RNF144B: variants seen among roughly 807,000 people sequenced by gnomAD.
RNF144B encodes E3 ubiquitin-protein ligase RNF144B.
In RNF144B, 25 loss-of-function variants were observed where a neutral mutation model predicts 40.2. That is an observed-to-expected ratio of 0.62 (90% confidence interval 0.45 to 0.87). The LOEUF is 0.87. Among genes scored for constraint, RNF144B ranks in the 40% least tolerant of loss-of-function variants. RNF144B has a pLI of 0.00. For synonymous variants in RNF144B, 145 were observed against 136.3 expected (o/e 1.06, Z -0.44); for missense variants, 365 against 373.7 (o/e 0.98, Z 0.19).
In RNF144B at chr6:18,459,578, A is replaced by C. The variant is rs1582449295; in HGVS notation, c.537-29A>C. ...AATTCAACTGATGACCATCAGCTGA[A>C]TGCCATTTCTCATCCATTTTGTTTC... On this transcript the variant is annotated intron_variant, in intron 5 of 7. Coordinates refer to ENST00000259939, the MANE Select transcript of RNF144B (RefSeq NM_182757.4). This position sits in a 1 kb window ranked among gnomAD's most constrained non-coding sequence, Gnocchi z 4.2. The C allele has an allele frequency of 6.2e-7, 1 of 1,607,980 alleles. No individual in the cohort carries two copies. The highest frequency in any genetic ancestry group is 1.7e-5 in the Admixed American group (1 of 59,832).
intron 1 of RNF144B, chr6:18,396,681 T>A (rs1794700500): frequency 1.0e-6 from 1 of 985,346 alleles, no homozygotes; most frequent in African/African-American, 1.7e-5. Context: ...ATAGATTGCA[T>A]AAGCAGTGAA....
At chr6:18,404,456 G>C (rs1389377348) in intron 2 of RNF144B, among the ~76,000 whole-genome samples, 1 of 152,154 alleles carries the variant, frequency 6.6e-6, no homozygotes, top group Non-Finnish European at 1.5e-5. Flanking sequence ...TATTTCCTAA[G>C]ATCCATCAGT....
At chr6:18,463,639 C>G (rs939693086) in intron 7 of RNF144B, among the ~76,000 whole-genome samples, 2 of 152,226 alleles carry the variant, frequency 1.3e-5, no homozygotes, top group African/African-American at 4.8e-5. Context: ...GTGCAGAATG[C>G]AGGCAGATGT....
At chr6:18,451,935 G>A (rs772418387) in intron 4 of RNF144B, among the ~76,000 whole-genome samples, 6 of 152,138 alleles carry the variant, frequency 3.9e-5, no homozygotes, top group Non-Finnish European at 7.4e-5. Flanking sequence ...TTGCCAAATC[G>A]ATGACTTTCG....
In RNF144B at chr6:18,414,665, T is replaced by G. The variant is rs1795111126; in HGVS notation, c.166-12916T>G. ...TCATTATAATTTATTCAAACTGGTT[T>G]AAATACTGAGACAGATTTTATTTAA... On this transcript the variant is annotated intron_variant, in intron 2 of 7. Coordinates refer to ENST00000259939, the MANE Select transcript of RNF144B (RefSeq NM_182757.4). This position sits in a 1 kb window ranked among gnomAD's most constrained non-coding sequence, Gnocchi z 4.9. 6.6e-6 allele frequency among the ~76,000 whole-genome samples: 1 copy of G among 152,200 alleles called. No homozygotes were observed. The highest frequency in any genetic ancestry group is 2.4e-5 in the African/African-American group (1 of 41,460).
At chr6:18,399,121 C>T (rs1794746951) in intron 1 of RNF144B, among the ~76,000 whole-genome samples, 1 of 152,152 alleles carries the variant, frequency 6.6e-6, no homozygotes, top group Admixed American at 6.5e-5. Flanking sequence ...TGGCCATTTT[C>T]AAGTATACAG....
rs144260328 is a variant in RNF144B, at chr6:18,417,898, A to G, written c.166-9683A>G. On this transcript the variant is annotated intron_variant, in intron 2 of 7. Coordinates refer to ENST00000259939, the MANE Select transcript of RNF144B (RefSeq NM_182757.4). ...CAACTCAGTAATGAAAACACAAATA[A>G]CTCAGTTACAAATAGATGAAAGTAT... Among the ~76,000 whole-genome samples, 477 of 152,244 alleles carry G rather than the reference A, an allele frequency of 3.1e-3. 1 individual carries two copies. Among genetic ancestry groups the G allele is most frequent in the Middle Eastern group, 0.01 (3 of 294 alleles).
rs899659941 is a variant in RNF144B at position 18,458,468 on chromosome 6, G to A, written c.536+1109G>A. ...GCTTGAATCTCAGAACAAACAAATG[G>A]AGAGGAATAGAGAAGCTAATACACA... is the stretch of plus-strand genomic sequence containing the variant. On this transcript the variant is annotated intron_variant, in intron 5 of 7. Coordinates refer to ENST00000259939, the MANE Select transcript of RNF144B (RefSeq NM_182757.4). This position sits in a 1 kb window ranked among gnomAD's most constrained non-coding sequence, Gnocchi z 4.8. 7.9e-5 allele frequency among the ~76,000 whole-genome samples: 12 copies of A among 152,156 alleles called. No homozygotes were observed. Among genetic ancestry groups the A allele is most frequent in the Non-Finnish European group, 1.8e-4 (12 of 68,028 alleles).
chr6:18,429,360 ATATT>A (rs947508346), intron 3 of RNF144B, among the ~76,000 whole-genome samples: 1 of 152,154 alleles, frequency 6.6e-6, no homozygotes, highest in African/African-American at 2.4e-5. Context: ...TTATGAATAT[ATATT>A]CTTTTACATA....
rs1467991542 is a variant in RNF144B at position 18,466,574 on chromosome 6, T to C, written c.*1507T>C. 6.6e-6 allele frequency: 1 copy of C among 152,664 alleles called. No homozygotes were observed. Among genetic ancestry groups the C allele is most frequent in the African/African-American group, 2.4e-5 (1 of 41,460 alleles). 9.5% of individuals were successfully genotyped at this position (152,664 alleles called of 1,614,324 possible). On this transcript the variant is annotated 3_prime_UTR_variant, in exon 8 of 8. Transcript: ENST00000259939. The stretch of plus-strand genomic sequence containing the variant: ...CAATGACAGGATTATATAATTGCTA[T>C]TGGCAATGTAGCCTGGTGCTTCATG...
rs766968266 is a variant in RNF144B at position 18,446,865 on chromosome 6, GTGTGTGTGTC to G, written c.331+7131_331+7140del. On this transcript the variant is annotated intron_variant, in intron 4 of 7. Transcript: ENST00000259939. This position sits in a 1 kb window ranked among gnomAD's most constrained non-coding sequence, Gnocchi z 4.7. ...GGTGTGTGTGTGTGTGTGTGTGTGT[GTGTGTGTGTC>G]TGTGTGTGTGTTGTGTGTTTGTTGG... 1.6e-5 allele frequency among the ~76,000 whole-genome samples: 2 copies of G among 123,394 alleles called. No individual in the cohort carries two copies. The highest frequency in any genetic ancestry group is 9.3e-5 in the Admixed American group (1 of 10,790). The allele number at this position is 123,394 out of a possible 152,430, so 81.0% of individuals were successfully genotyped here. A position where few individuals can be genotyped will look rare whatever the true frequency, so the allele number is the denominator to read the frequency against.
At position 18,405,340 on chromosome 6, in the gene RNF144B, A is replaced by AT. The variant is rs1309444421; in HGVS notation, c.165+5649dup. 1.3e-5 allele frequency among the ~76,000 whole-genome samples: 2 copies of AT among 151,144 alleles called. No homozygotes were observed. Among genetic ancestry groups the AT allele is most frequent in the East Asian group, 1.9e-4 (1 of 5,130 alleles). On this transcript the variant is annotated intron_variant, in intron 2 of 7. Coordinates refer to ENST00000259939, the MANE Select transcript of RNF144B (RefSeq NM_182757.4). The surrounding 1 kb of genome is among the most constrained non-coding windows in gnomAD (Gnocchi z 4.5). Reference sequence around the variant, plus strand: ...AGGCATGTGCCACCAGGCCTGACTAATTTTTTTTGTATTTTTAGTTGAGTT... The same window carrying AT: ...AGGCATGTGCCACCAGGCCTGACTAATTTTTTTTTGTATTTTTAGTTGAGTT...
Position 18,456,762 on chromosome 6 carries a change from A to T in RNF144B, c.332-393A>T, listed in dbSNP as rs1759335871. The stretch of plus-strand genomic sequence containing the variant: ...ATTATACTTCCATAAATGTCAGTTT[A>T]AAAAAGAGGGTAAATGGGGCAGGTG... On this transcript the variant is annotated intron_variant, in intron 4 of 7. Coordinates refer to ENST00000259939, the MANE Select transcript of RNF144B (RefSeq NM_182757.4). This position sits in a 1 kb window ranked among gnomAD's most constrained non-coding sequence, Gnocchi z 4.7. 6.6e-6 allele frequency among the ~76,000 whole-genome samples: 1 copy of T among 152,106 alleles called. No homozygotes were observed. Among genetic ancestry groups the T allele is most frequent in the African/African-American group, 2.4e-5 (1 of 41,438 alleles).
rs1245570323 is a variant in RNF144B, at chr6:18,422,838, GCCTCA to G, written c.166-4742_166-4738del. ...TCGAGTGTAGTGGCAGGCATCTGTA[GCCTCA>G]GCTACTGAGGAGCTGAGGTGGGAGG... On this transcript the variant is annotated intron_variant, in intron 2 of 7. Transcript: ENST00000259939. This position sits in a 1 kb window ranked among gnomAD's most constrained non-coding sequence, Gnocchi z 4.7. Among the ~76,000 whole-genome samples, 1 of 151,876 alleles carries G rather than the reference GCCTCA, an allele frequency of 6.6e-6. No individual in the cohort carries two copies. The highest frequency in any genetic ancestry group is 1.5e-5 in the Non-Finnish European group (1 of 67,970).
At chr6:18,392,062 A>T (rs1364278812) in intron 1 of RNF144B, among the ~76,000 whole-genome samples, 5 of 122,750 alleles carry the variant, frequency 4.1e-5, no homozygotes, top group Non-Finnish European at 1.7e-5. Context: ...AAAAAAAAAA[A>T]TTAGGTGTGG....
chr6:18,457,265 T>G lies in RNF144B; in HGVS notation c.442T>G (p.Cys148Gly), dbSNP rs1759351665. 4.3e-6 allele frequency: 7 copies of G among 1,614,198 alleles called. No homozygotes were observed. In the South Asian group the frequency reaches 6.6e-5, roughly 15 times the overall value. Residue 148 changes from cysteine (C) to glycine (G), a missense_variant, in exon 5 of 8, where the codon TGC (cysteine) becomes GGC (glycine). Transcript: ENST00000259939. The surrounding 1 kb of genome is among the most constrained non-coding windows in gnomAD (Gnocchi z 5.1). ...GQPVLVECPS[C>G]HLKFCSCCKD... The stretch of plus-strand genomic sequence containing the variant: ...GCCTGTGCTGGTGGAATGCCCTTCT[T>G]GCCACCTGAAATTCTGCTCGTGTTG...
intron 1 of RNF144B, among the ~76,000 whole-genome samples, chr6:18,394,706 T>A (rs115488054): frequency 2.9e-4 from 44 of 152,274 alleles, no homozygotes; most frequent in African/African-American, 1.0e-3. Context: ...ATATGAAAAT[T>A]CCTTATACAT....
intron 4 of RNF144B, among the ~76,000 whole-genome samples, chr6:18,451,657 C>T (rs1437035992): frequency 6.6e-6 from 1 of 152,150 alleles, no homozygotes; most frequent in Non-Finnish European, 1.5e-5. Context: ...TTTTACAGAG[C>T]AGTTTATTAA....
At position 18,457,077 on chromosome 6, in the gene RNF144B, A is replaced by G; in HGVS notation, c.332-78A>G. Reference sequence around the variant, plus strand: ...CTCTGGTTCCAAATAAATTAAATAAATAAGAGGGCAAATGAAGGTGAGAAA... The same window carrying G: ...CTCTGGTTCCAAATAAATTAAATAAGTAAGAGGGCAAATGAAGGTGAGAAA... On this transcript the variant is annotated intron_variant, in intron 4 of 7. Transcript: ENST00000259939. The surrounding 1 kb of genome is among the most constrained non-coding windows in gnomAD (Gnocchi z 5.1). 3 of 1,134,104 alleles carry G rather than the reference A, an allele frequency of 2.6e-6. No individual in the cohort carries two copies. Among genetic ancestry groups the G allele is most frequent in the Non-Finnish European group, 4.0e-6 (3 of 744,464 alleles). The allele number at this position is 1,134,104 out of a possible 1,614,324, so 70.3% of individuals were successfully genotyped here. A position where few individuals can be genotyped will look rare whatever the true frequency, so the allele number is the denominator to read the frequency against.
Sources: allele counts gnomAD v4.1 joint callset (sites outside exome capture counted in the v4.1 genomes callset), GRCh38; gene constraint gnomAD v4.1.1; non-coding constraint Gnocchi (gnomAD v3.1); transcripts MANE v1.5; gene names NCBI Gene and HGNC (gene_info 2026-07-23, HGNC 2026-07-21).